Variants in GRAMD1B observed in about 807,000 individuals in gnomAD.
GRAMD1B encodes the protein protein Aster-B.
Under a neutral mutation model 99.7 loss-of-function variants are expected in GRAMD1B, and 37 were observed. That is an observed-to-expected ratio of 0.37 (90% confidence interval 0.29 to 0.49). The LOEUF (loss-of-function observed/expected upper bound fraction) is 0.49. GRAMD1B is among the 20% of genes least tolerant of loss of function. GRAMD1B has a pLI of 0.98. For missense variants in GRAMD1B, 888 were observed against 1,009.2 expected (o/e 0.88, Z 1.63); for synonymous variants, 427 against 387.6 (o/e 1.10, Z -1.19).
chr11:123,522,633 G>A (rs368096413), intron 2 of GRAMD1B, among the ~76,000 whole-genome samples: 9 of 151,872 alleles, frequency 5.9e-5, no homozygotes, highest in East Asian at 1.9e-4. Flanking sequence ...TTTTCTTTAC[G>A]GACCACAAAA....
At chr11:123,436,840 T>C (rs891354778) in intron 1 of GRAMD1B, among the ~76,000 whole-genome samples, 17 of 152,180 alleles carry the variant, frequency 1.1e-4, no homozygotes, top group South Asian at 2.1e-4. Flanking sequence ...GCCATGTTGG[T>C]GTGCTGCACC....
chr11:123,513,621 T>TTCCTTCCTTCCTTCCTTCCTTCCTTC (rs1306827051), intron 2 of GRAMD1B, among the ~76,000 whole-genome samples: 2 of 36,270 alleles, frequency 5.5e-5, no homozygotes, highest in South Asian at 1.0e-3. Flanking sequence ...TTCCTTCCTT[T>TTCCTTCCTTCCTTCCTTCCTTCCTTC]CTTTCTTTCT....
chr11:123,480,040 C>T (rs957680892), intron 1 of GRAMD1B, among the ~76,000 whole-genome samples: 14 of 152,134 alleles, frequency 9.2e-5, no homozygotes, highest in African/African-American at 3.4e-4. Flanking sequence ...ATTTGTTCAT[C>T]AGCTATGCCA....
rs139161225 is a variant in GRAMD1B, at chr11:123,363,979, G to A, written c.-176+5180G>A. On this transcript the variant is annotated intron_variant, in intron 1 of 20. Coordinates refer to the GRAMD1B transcript ENST00000638157. ...AAAAACCAACAATGCATGTTAAGGG[G>A]GCCAATCAATCGGACATGGTTGGTT... is the stretch of plus-strand genomic sequence containing the variant. 2.1e-3 allele frequency among the ~76,000 whole-genome samples: 316 copies of A among 152,232 alleles called. 1 individual carries two copies. The highest frequency in any genetic ancestry group is 7.0e-3 in the African/African-American group (291 of 41,546).
intron 1 of GRAMD1B, among the ~76,000 whole-genome samples, chr11:123,385,863 CTG>C (rs543732277): frequency 6.6e-6 from 1 of 151,698 alleles, no homozygotes; most frequent in Non-Finnish European, 1.5e-5. Context: ...CACTGTGAGT[CTG>C]TGTGTGTGTG....
rs1382881819 is a variant in GRAMD1B at position 123,608,652 on chromosome 11, T to C, written c.1514-7T>C. The C allele has an allele frequency of 3.2e-6, 5 of 1,577,768 alleles. No homozygotes were observed. The highest frequency in any genetic ancestry group is 4.3e-6 in the Non-Finnish European group (5 of 1,160,684). ...CTGTCTACTTCCTGATCCTCTCTTC[T>C]GTGCAGGAGAGGTCCAGGCCTTCTA... is the stretch of plus-strand genomic sequence containing the variant. On this transcript the variant is annotated splice_region_variant and splice_polypyrimidine_tract_variant and intron_variant, in intron 11 of 19. Transcript: ENST00000635736.
chr11:123,432,142 A>G (rs1948923298), intron 1 of GRAMD1B: 4 of 398,464 alleles, frequency 1.0e-5, no homozygotes, highest in Non-Finnish European at 1.3e-5. Context: ...TACTTACTGA[A>G]TATTTCTGTG....
chr11:123,614,543 C>T (rs1954081709), intron 16 of GRAMD1B, among the ~76,000 whole-genome samples: 1 of 152,178 alleles, frequency 6.6e-6, no homozygotes. Flanking sequence ...TCAATGATGA[C>T]CTGACCCAAC....
At chr11:123,380,442 C>T (rs1032083538) in intron 1 of GRAMD1B, among the ~76,000 whole-genome samples, 1 of 152,154 alleles carries the variant, frequency 6.6e-6, no homozygotes, top group African/African-American at 2.4e-5. Context: ...AGAGTCCTTC[C>T]TTGCAAGTGA....
At chr11:123,366,095 T>C (rs1342945594) in intron 1 of GRAMD1B, among the ~76,000 whole-genome samples, 1 of 152,228 alleles carries the variant, frequency 6.6e-6, no homozygotes, top group African/African-American at 2.4e-5. Context: ...ATTCCCTCTA[T>C]TTGAACTCAG....
chr11:123,388,174 G>T (rs1947141903), intron 1 of GRAMD1B, among the ~76,000 whole-genome samples: 1 of 151,544 alleles, frequency 6.6e-6, no homozygotes, highest in Non-Finnish European at 1.5e-5. Flanking sequence ...TATGGAAAGG[G>T]GGAAAAATAG....
rs534288138 is a variant in GRAMD1B at position 123,372,316 on chromosome 11, T to C, written c.-176+13517T>C. On this transcript the variant is annotated intron_variant, in intron 1 of 20. Transcript: ENST00000638157. The stretch of plus-strand genomic sequence containing the variant: ...CAGTTGCCCTTTATGGCTTAACCTT[T>C]ATATGTTCCTGGCCATTTAGGAACC... Among the ~76,000 whole-genome samples, 5 of 152,348 alleles carry C rather than the reference T, an allele frequency of 3.3e-5. No homozygotes were observed. In the East Asian group the frequency reaches 9.6e-4, roughly 29 times the overall value.
intron 2 of GRAMD1B, among the ~76,000 whole-genome samples, chr11:123,484,513 G>A (rs745584226): frequency 6.6e-6 from 1 of 152,034 alleles, no homozygotes; most frequent in African/African-American, 2.4e-5. Context: ...ATTTCTTCCC[G>A]GGTCCTTTGT....
intron 1 of GRAMD1B, among the ~76,000 whole-genome samples, chr11:123,364,661 A>G (rs1946257917): frequency 6.6e-6 from 1 of 152,182 alleles, no homozygotes; most frequent in Non-Finnish European, 1.5e-5. Flanking sequence ...TTTTCAGAGT[A>G]TGGCTTCCCA....
chr11:123,495,114 T>TACACACACACACACACACACAC (rs10695354), intron 2 of GRAMD1B, among the ~76,000 whole-genome samples: 3 of 148,550 alleles, frequency 2.0e-5, no homozygotes, highest in African/African-American at 7.5e-5. Flanking sequence ...TATATATACA[T>TACACACACACACACACACACAC]ACACACACAC....
intron 1 of GRAMD1B, among the ~76,000 whole-genome samples, chr11:123,405,932 A>G (rs1316407245): frequency 6.6e-6 from 1 of 152,042 alleles, no homozygotes; most frequent in Non-Finnish European, 1.5e-5. Flanking sequence ...TTTTGTGTGC[A>G]CACTTGTTTG....
chr11:123,596,943 A>G (rs966527420), intron 7 of GRAMD1B, among the ~76,000 whole-genome samples: 10 of 152,080 alleles, frequency 6.6e-5, no homozygotes, highest in African/African-American at 1.7e-4. Flanking sequence ...CAACTCTACC[A>G]TGGCTACCTG....
intron 1 of GRAMD1B, among the ~76,000 whole-genome samples, chr11:123,399,769 G>A (rs1160314293): frequency 1.3e-5 from 2 of 152,036 alleles, no homozygotes; most frequent in Non-Finnish European, 2.9e-5. Context: ...CACCCACCAC[G>A]CCACCACGTC....
Position 123,397,262 on chromosome 11 carries a change from G to A in GRAMD1B, c.-176+38463G>A, listed in dbSNP as rs745820662. Among the ~76,000 whole-genome samples the A allele has an allele frequency of 5.9e-5, 9 of 152,166 alleles. No individual in the cohort carries two copies. In the East Asian group the frequency reaches 1.7e-3, roughly 29 times the overall value. ...CTACTAAAAATACAAAAAAAAGTTA[G>A]CTGGGCATGGTGGTGGGTACCTGTA... On this transcript the variant is annotated intron_variant, in intron 1 of 20. Transcript: ENST00000638157.
Sources: gnomAD v4.1 joint callset for allele counts (sites outside exome capture counted in the v4.1 genomes callset) on GRCh38, gnomAD v4.1.1 for gene constraint, MANE v1.5 for transcripts, NCBI Gene and HGNC (gene_info 2026-07-23, HGNC 2026-07-21) for gene names.